HS3ST5: variants seen among roughly 807,000 people sequenced by gnomAD.
The protein encoded by HS3ST5 is heparan sulfate glucosamine 3-O-sulfotransferase 5.
Under a neutral mutation model 25.4 loss-of-function variants are expected in HS3ST5, and 10 were observed. The ratio of observed to expected loss-of-function variants is 0.39; its 90% CI spans 0.24 to 0.67. The LOEUF (loss-of-function observed/expected upper bound fraction) is 0.67, where lower values mean the gene tolerates loss of function less well. Ranked by LOEUF, HS3ST5 falls within the 30% of genes least tolerant of loss-of-function variation. The pLI, the probability that HS3ST5 is intolerant of heterozygous loss-of-function variation, is 0.44. For synonymous variants in HS3ST5, 170 were observed against 162.4 expected (o/e 1.05, Z -0.36); for missense variants, 324 against 420.7 (o/e 0.77, Z 2.01).
chr6:114,317,281 T>C (rs1274428088), intron 1 of HS3ST5, among the ~76,000 whole-genome samples: 1 of 152,178 alleles, frequency 6.6e-6, no homozygotes, highest in African/African-American at 2.4e-5. Flanking sequence ...GAAATACCCA[T>C]AGGATTTCTC....
At chr6:114,221,529 C>T (rs1782039346) in intron 2 of HS3ST5, among the ~76,000 whole-genome samples, 1 of 151,592 alleles carries the variant, frequency 6.6e-6, no homozygotes, top group African/African-American at 2.4e-5. Flanking sequence ...ACCAGGATTA[C>T]AGTTATAGTG....
chr6:114,250,208 A>G (rs192572504), intron 1 of HS3ST5, among the ~76,000 whole-genome samples: 21 of 152,308 alleles, frequency 1.4e-4, no homozygotes, highest in Admixed American at 1.2e-3. Context: ...AGAGATCTGA[A>G]TTCTTTGAGA....
chr6:114,194,415 C>G (rs1414622158), intron 2 of HS3ST5, among the ~76,000 whole-genome samples: 1 of 152,288 alleles, frequency 6.6e-6, no homozygotes, highest in East Asian at 1.9e-4. Context: ...GTCGGACACA[C>G]TTTGTCACGT....
At chr6:114,335,885 C>G (rs1776590157) in intron 1 of HS3ST5, among the ~76,000 whole-genome samples, 1 of 151,958 alleles carries the variant, frequency 6.6e-6, no homozygotes, top group Non-Finnish European at 1.5e-5. Context: ...ATCTCTTGAC[C>G]TTGTGATCTA....
At chr6:114,062,619 C>T in intron 4 of HS3ST5, 120 bp downstream of exon 4, 1 of 665,322 alleles carries the variant, frequency 1.5e-6, no homozygotes, top group Non-Finnish European at 2.7e-6. Context: ...TGCAGAAAAG[C>T]ATGTTTCCTG....
intron 4 of HS3ST5, 42 bp from the exon 5 acceptor site, chr6:114,058,232 C>G: frequency 6.8e-7 from 1 of 1,471,400 alleles, no homozygotes; most frequent in East Asian, 2.4e-5. Flanking sequence ...TTGCAACTAA[C>G]TTTTCATTTT....
At chr6:114,169,455 C>G (rs983288260) in intron 2 of HS3ST5, among the ~76,000 whole-genome samples, 2 of 152,122 alleles carry the variant, frequency 1.3e-5, no homozygotes, top group Admixed American at 1.3e-4. Context: ...CTTGTCAACT[C>G]TTCACCTCAC....
intron 1 of HS3ST5, among the ~76,000 whole-genome samples, chr6:114,243,763 T>A (rs1188707998): frequency 6.6e-6 from 1 of 152,200 alleles, no homozygotes; most frequent in Non-Finnish European, 1.5e-5. Flanking sequence ...CCCTTTTCTT[T>A]GTATTTGACC....
chr6:114,162,379 C>G (rs538395917), intron 3 of HS3ST5, among the ~76,000 whole-genome samples: 1 of 152,314 alleles, frequency 6.6e-6, no homozygotes, highest in Admixed American at 6.5e-5. Context: ...TTCCTTTGAA[C>G]TATCTCTTAC....
At chr6:114,244,305 G>T (rs1311482187) in intron 1 of HS3ST5, among the ~76,000 whole-genome samples, 1 of 152,144 alleles carries the variant, frequency 6.6e-6, no homozygotes, top group African/African-American at 2.4e-5. Flanking sequence ...AATTTAATAT[G>T]GAATGAAGTG....
chr6:114,311,854 A>G (rs1316640699), intron 1 of HS3ST5, among the ~76,000 whole-genome samples: 10 of 152,118 alleles, frequency 6.6e-5, no homozygotes, highest in Admixed American at 5.2e-4. Flanking sequence ...CAAGGAAGAT[A>G]TTTTCAATGG....
intron 2 of HS3ST5, among the ~76,000 whole-genome samples, chr6:114,196,018 G>A (rs1344398973): frequency 6.6e-6 from 1 of 152,162 alleles, no homozygotes; most frequent in Non-Finnish European, 1.5e-5. Flanking sequence ...TTATGCAAAT[G>A]AGACGCCCAG....
chr6:114,341,871 C>T (rs1776893819), intron 1 of HS3ST5, among the ~76,000 whole-genome samples: 2 of 152,110 alleles, frequency 1.3e-5, no homozygotes, highest in South Asian at 4.1e-4. Context: ...TTCCCTTTCT[C>T]CCTCAAAGAG....
intron 3 of HS3ST5, among the ~76,000 whole-genome samples, chr6:114,082,445 T>C (rs1774507054): frequency 6.6e-6 from 1 of 152,198 alleles, no homozygotes; most frequent in Admixed American, 6.5e-5. Flanking sequence ...CTCCAAAATA[T>C]ATAAGACACA....
chr6:114,094,936 G>A (rs1340330484), intron 3 of HS3ST5, among the ~76,000 whole-genome samples: 2 of 152,154 alleles, frequency 1.3e-5, no homozygotes, highest in Non-Finnish European at 2.9e-5. Context: ...ACCTTCAGCT[G>A]CTAGAAACTG....
rs1418194876 is a variant in HS3ST5, at chr6:114,056,417, G to A, written c.*840C>T. 1 of 150,068 alleles carries A rather than the reference G, an allele frequency of 6.7e-6. No individual in the cohort carries two copies. Among genetic ancestry groups the A allele is most frequent in the African/African-American group, 2.5e-5 (1 of 40,778 alleles). 9.3% of individuals were successfully genotyped at this position (150,068 alleles called of 1,614,324 possible). On this transcript the variant is annotated 3_prime_UTR_variant, in exon 5 of 5. Coordinates refer to ENST00000312719, the MANE Select transcript of HS3ST5 (RefSeq NM_153612.4). ...CAGCTTCCATTTTGGAAGCCAGCAG[G>A]GGGCACGTAAAACAAAATGAGTAAA...
At chr6:114,155,953 G>GT (rs1268492034) in intron 3 of HS3ST5, among the ~76,000 whole-genome samples, 1 of 152,152 alleles carries the variant, frequency 6.6e-6, no homozygotes, top group African/African-American at 2.4e-5. Flanking sequence ...GGACCATACT[G>GT]TAAGTAACAG....
chr6:114,057,558 A>G lies in HS3ST5; in HGVS notation c.740T>C (p.Ile247Thr), dbSNP rs17793043. Residue 247 changes from isoleucine to threonine, a missense_variant, in exon 5 of 5, where the codon ATT (isoleucine) becomes ACT (threonine). By Grantham distance (89) the Ile-to-Thr change is moderately conservative (BLOSUM62 -1). Around this residue, in one of 2 missense-constraint regions of HS3ST5, gnomAD observed 203 missense variants for 303.4 expected, o/e 0.67. Coordinates refer to ENST00000312719, the MANE Select transcript of HS3ST5 (RefSeq NM_153612.4). ...HLERWLKYFPIEQFHVVDGDR... is the reference protein window; with the variant it reads ...HLERWLKYFPTEQFHVVDGDR... Reference sequence around the variant, plus strand: ...TCCATCGACGACATGAAATTGCTCAATTGGAAAGTATTTCAACCACCTTTC... The same window carrying G: ...TCCATCGACGACATGAAATTGCTCAGTTGGAAAGTATTTCAACCACCTTTC... 13 of 1,614,094 alleles carry G rather than the reference A, an allele frequency of 8.1e-6. No homozygotes were observed. The highest frequency in any genetic ancestry group is 2.2e-5 in the East Asian group (1 of 44,896).
intron 1 of HS3ST5, among the ~76,000 whole-genome samples, chr6:114,336,328 G>T (rs1371808413): frequency 6.6e-6 from 1 of 152,196 alleles, no homozygotes; most frequent in Non-Finnish European, 1.5e-5. Context: ...TAAGAATTTG[G>T]CCTGGTGCAG....
Sources: gnomAD v4.1 joint callset for allele counts (sites outside exome capture counted in the v4.1 genomes callset) on GRCh38, gnomAD v4.1.1 for gene constraint, gnomAD v4.1.1 regional missense constraint, MANE v1.5 for transcripts, NCBI Gene and HGNC (gene_info 2026-07-23, HGNC 2026-07-21) for gene names.